PRKG1: variants seen among roughly 807,000 people sequenced by gnomAD.
PRKG1 encodes the protein protein kinase cGMP-dependent 1, also known as cGMP-dependent protein kinase 1.
In PRKG1, 35 loss-of-function variants were observed where a neutral mutation model predicts 88.1. The observed-to-expected ratio is 0.40, with a 90% CI of 0.30 to 0.53. PRKG1 has a LOEUF of 0.53. Ranked by LOEUF, PRKG1 falls within the 20% of genes least tolerant of loss-of-function variation. PRKG1 has a pLI of 0.59. For missense variants in PRKG1, 540 were observed against 839.8 expected (o/e 0.64, Z 4.41); for synonymous variants, 303 against 292.5 (o/e 1.04, Z -0.37).
chr10:51,397,188 T>C (rs1387696371), intron 2 of PRKG1, among the ~76,000 whole-genome samples: 1 of 150,400 alleles, frequency 6.6e-6, no homozygotes, highest in Non-Finnish European at 1.5e-5. Context: ...CTTCACTTCC[T>C]ACATTGTAGT....
chr10:51,462,792 T>C (rs1839780521), intron 2 of PRKG1, among the ~76,000 whole-genome samples: 1 of 152,194 alleles, frequency 6.6e-6, no homozygotes. Flanking sequence ...TCTTCTCTCA[T>C]ACAAACAACT....
chr10:52,020,090 A>AG (rs1845143872), intron 5 of PRKG1, among the ~76,000 whole-genome samples: 1 of 113,682 alleles, frequency 8.8e-6, no homozygotes, highest in Non-Finnish European at 2.0e-5. Context: ...TCAGTTTCTG[A>AG]GTTTTTTTAA....
intron 2 of PRKG1, among the ~76,000 whole-genome samples, chr10:51,304,666 A>T (rs1840987340): frequency 8.4e-6 from 1 of 118,410 alleles, no homozygotes; most frequent in South Asian, 2.8e-4. Flanking sequence ...CCAGAGTGTG[A>T]TGTTCCCCTT....
At chr10:51,587,654 T>C (rs193094098) in intron 3 of PRKG1, among the ~76,000 whole-genome samples, 2 of 152,312 alleles carry the variant, frequency 1.3e-5, no homozygotes, top group Non-Finnish European at 2.9e-5. Flanking sequence ...TGTACACATA[T>C]ATAGCTTGCT....
At chr10:51,939,742 G>GCCTCGC (rs1842866764) in intron 5 of PRKG1, among the ~76,000 whole-genome samples, 1 of 150,644 alleles carries the variant, frequency 6.6e-6, no homozygotes, top group African/African-American at 2.5e-5. Flanking sequence ...TAACTTACCA[G>GCCTCGC]TGGGAATAAT....
At chr10:51,386,396 G>T (rs573577690) in intron 2 of PRKG1, among the ~76,000 whole-genome samples, 123 of 152,230 alleles carry the variant, frequency 8.1e-4, no homozygotes, top group African/African-American at 2.7e-3. Flanking sequence ...ACTAGTGATG[G>T]TGTAATTGAG....
At chr10:51,457,698 A>G (rs1384991104) in intron 2 of PRKG1, among the ~76,000 whole-genome samples, 2 of 152,234 alleles carry the variant, frequency 1.3e-5, no homozygotes, top group African/African-American at 4.8e-5. Flanking sequence ...GTCATTCTTT[A>G]TTATGGCTGA....
chr10:51,582,245 G>T (rs12251948), intron 3 of PRKG1, among the ~76,000 whole-genome samples: 5 of 152,178 alleles, frequency 3.3e-5, no homozygotes, highest in Admixed American at 1.3e-4. Context: ...TATGTAAGCC[G>T]TGCTTGTTCT....
intron 8 of PRKG1, among the ~76,000 whole-genome samples, chr10:52,158,996 T>C (rs376013463): frequency 6.6e-6 from 1 of 151,372 alleles, no homozygotes; most frequent in East Asian, 1.9e-4. Context: ...TGCTATAATA[T>C]TAAGTTAAAA....
At chr10:51,586,330 T>C (rs942267517) in intron 3 of PRKG1, among the ~76,000 whole-genome samples, 1 of 151,998 alleles carries the variant, frequency 6.6e-6, no homozygotes, top group African/African-American at 2.4e-5. Flanking sequence ...TGGATTAGAA[T>C]TGGAAGGAAC....
chr10:52,244,118 T>C (rs1840940504), intron 9 of PRKG1, among the ~76,000 whole-genome samples: 1 of 152,132 alleles, frequency 6.6e-6, no homozygotes, highest in Non-Finnish European at 1.5e-5. Context: ...GCTAAAAGGA[T>C]GGTGATTACA....
chr10:51,764,837 C>G (rs1838116164), intron 3 of PRKG1, among the ~76,000 whole-genome samples: 1 of 152,144 alleles, frequency 6.6e-6, no homozygotes, highest in Admixed American at 6.5e-5. Flanking sequence ...AAGGGAGCAG[C>G]CTTCAAGAAT....
intron 2 of PRKG1, among the ~76,000 whole-genome samples, chr10:51,232,215 T>C (rs1838863621): frequency 6.6e-6 from 1 of 152,180 alleles, no homozygotes; most frequent in Admixed American, 6.5e-5. Context: ...AACAGACTGA[T>C]TTATTTGTGA....
intron 1 of PRKG1, among the ~76,000 whole-genome samples, chr10:51,140,703 A>C (rs1334298284): frequency 6.6e-6 from 1 of 151,700 alleles, no homozygotes; most frequent in African/African-American, 2.4e-5. Context: ...CTCATAGACT[A>C]CCTCCCCTTT....
chr10:51,549,126 T>TC (rs1564545036), intron 3 of PRKG1, among the ~76,000 whole-genome samples: 4 of 113,692 alleles, frequency 3.5e-5, no homozygotes, highest in Non-Finnish European at 7.2e-5. Context: ...TTTTCTTTTT[T>TC]TTTTTTTTTT....
intron 5 of PRKG1, among the ~76,000 whole-genome samples, chr10:52,026,712 C>T (rs1447724875): frequency 2.6e-5 from 4 of 152,226 alleles, no homozygotes; most frequent in African/African-American, 9.7e-5. Flanking sequence ...CACGGTGGCT[C>T]ACGCCTGTAA....
chr10:51,529,319 AT>A (rs1286982175), intron 3 of PRKG1, among the ~76,000 whole-genome samples: 1 of 152,122 alleles, frequency 6.6e-6, no homozygotes, highest in African/African-American at 2.4e-5. Flanking sequence ...TCTTACAGGC[AT>A]TTTATCCATA....
chr10:51,077,514 AGG>A (rs1843987119), intron 1 of PRKG1, among the ~76,000 whole-genome samples: 1 of 152,094 alleles, frequency 6.6e-6, no homozygotes, highest in African/African-American at 2.4e-5. Flanking sequence ...TTGCCTTCTG[AGG>A]ATTATAATTT....
chr10:51,784,991 T>A (rs1007658236), intron 3 of PRKG1, among the ~76,000 whole-genome samples: 2 of 152,018 alleles, frequency 1.3e-5, no homozygotes, highest in African/African-American at 4.8e-5. Flanking sequence ...TTTTTTAGAA[T>A]CCAAGTTGCT....
Sources: gnomAD v4.1 joint callset for allele counts (sites outside exome capture counted in the v4.1 genomes callset) on GRCh38, gnomAD v4.1.1 for gene constraint, MANE v1.5 for transcripts, NCBI Gene and HGNC (gene_info 2026-07-23, HGNC 2026-07-21) for gene names.